Variants in SIPA1L1 observed in about 807,000 individuals in gnomAD.
SIPA1L1 encodes the protein signal-induced proliferation-associated 1-like protein 1.
A neutral mutation model predicts 162.7 loss-of-function variants in SIPA1L1; 26 were observed. That is an observed-to-expected ratio of 0.16 (90% CI 0.12 to 0.22). The LOEUF is 0.22. SIPA1L1 is among the 10% of genes least tolerant of loss of function. SIPA1L1 has a pLI of 1.00. For synonymous variants in SIPA1L1, 829 were observed against 837.4 expected (o/e 0.99, Z 0.17); for missense variants, 1,874 against 2,241.0 (o/e 0.84, Z 3.31).
rs2143001828 is a variant in SIPA1L1, at chr14:71,491,307, T to C, written c.-464-21436T>C. 3.9e-5 allele frequency among the ~76,000 whole-genome samples: 6 copies of C among 152,302 alleles called. No homozygotes were observed. In the Middle Eastern group the frequency reaches 0.017, roughly 432 times the overall value. The stretch of plus-strand genomic sequence containing the variant: ...CTGAAGTTTAAATTACAGTTGTTCC[T>C]TTTGGTGATCATCATTCATTCCTCT... On this transcript the variant is annotated intron_variant, in intron 2 of 23. Transcript: ENST00000381232.
Position 71,577,639 on chromosome 14 carries a change from A to AC in SIPA1L1, c.-302-9932_-302-9931insC, listed in dbSNP as rs568046570. Among the ~76,000 whole-genome samples, 435 of 152,056 alleles carry AC rather than the reference A, an allele frequency of 2.9e-3. 4 individuals carry two copies. In the Middle Eastern group the frequency reaches 0.048, roughly 17 times the overall value. Reference sequence around the variant, plus strand: ...GGTGATCCGCCTGCCTTGGCCTCCCAAAGTGCTGGGATTACAGGTGTGAGC... The same window carrying AC: ...GGTGATCCGCCTGCCTTGGCCTCCCACAAGTGCTGGGATTACAGGTGTGAGC... On this transcript the variant is annotated intron_variant, in intron 4 of 23. Coordinates refer to ENST00000381232, the MANE Select transcript of SIPA1L1 (RefSeq NM_001386936.1).
intron 3 of SIPA1L1, among the ~76,000 whole-genome samples, chr14:71,521,021 T>C (rs1243242893): frequency 2.0e-5 from 3 of 152,248 alleles, no homozygotes; most frequent in African/African-American, 7.2e-5. Context: ...CCCAAAGTGC[T>C]GGGATTACAG....
chr14:71,403,599 CAAAA>C (rs147285643), intron 2 of SIPA1L1, among the ~76,000 whole-genome samples: 1 of 69,294 alleles, frequency 1.4e-5, no homozygotes, highest in Non-Finnish European at 2.8e-5. Flanking sequence ...GACTCTGTCT[CAAAA>C]AAAAAAAAAA....
chr14:71,477,392 C>A (rs965893376), intron 2 of SIPA1L1, among the ~76,000 whole-genome samples: 1 of 151,904 alleles, frequency 6.6e-6, no homozygotes, highest in Non-Finnish European at 1.5e-5. Flanking sequence ...ACAAAAAAAA[C>A]AAAAACGCGG....
intron 2 of SIPA1L1, among the ~76,000 whole-genome samples, chr14:71,473,009 CT>C (rs1467388236): frequency 6.6e-6 from 1 of 151,836 alleles, no homozygotes; most frequent in Non-Finnish European, 1.5e-5. Context: ...CAGCACCTGG[CT>C]TAATTTTCCA....
chr14:71,625,855 A>G (rs1346493765), intron 7 of SIPA1L1, among the ~76,000 whole-genome samples: 1 of 152,138 alleles, frequency 6.6e-6, no homozygotes, highest in Non-Finnish European at 1.5e-5. Context: ...AGTTATTGCC[A>G]TTTTCTTTTG....
chr14:71,627,125 T>C (rs1263055965), intron 7 of SIPA1L1, among the ~76,000 whole-genome samples: 2 of 145,038 alleles, frequency 1.4e-5, no homozygotes, highest in African/African-American at 2.5e-5. Flanking sequence ...TCTGGGACTT[T>C]CACTACTTTT....
chr14:71,330,514 T>A (rs1172586742), intron 2 of SIPA1L1: 4 of 1,589,806 alleles, frequency 2.5e-6, no homozygotes, highest in Non-Finnish European at 3.5e-6. Flanking sequence ...TCTATGTGCA[T>A]CAGAGTCAGG....
rs549473158 is a variant in SIPA1L1 at position 71,433,169 on chromosome 14, A to G, written c.-464-79574A>G. ...TAGAACTCTGAGTTTCTGGAGTTAG[A>G]GAGCACTCTTAATGCTTTGGGAGAA... On this transcript the variant is annotated intron_variant, in intron 2 of 23. Transcript: ENST00000381232. 2.0e-5 allele frequency among the ~76,000 whole-genome samples: 3 copies of G among 152,350 alleles called. No individual in the cohort carries two copies. The South Asian group carries it at 6.2e-4, about 32-fold the overall frequency.
chr14:71,330,738 A>G lies in SIPA1L1; in HGVS notation c.-465+9557A>G, dbSNP rs1594844568. The G allele has an allele frequency of 1.4e-5, 12 of 840,446 alleles. No homozygotes were observed. The East Asian group carries it at 2.9e-4, about 20-fold the overall frequency. 52.1% of individuals were successfully genotyped at this position (840,446 alleles called of 1,614,324 possible). A position where few individuals can be genotyped will look rare whatever the true frequency, so the allele number is the denominator to read the frequency against. ...GCAGGAAAACCACCGGGTAGTCATC[A>G]TAAGGAATCTGGCTGTCTATCTCGG... is the stretch of plus-strand genomic sequence containing the variant. On this transcript the variant is annotated intron_variant, in intron 2 of 23. Transcript: ENST00000381232.
Position 71,739,073 on chromosome 14 carries a change from A to T in SIPA1L1, c.5264A>T (p.Asn1755Ile). Reference sequence around the variant, plus strand: ...GAGGTGCAGCACCTGCGAGAGGACAACCTGAGGCTACAGGAGGAGTCCCAG... The same window carrying T: ...GAGGTGCAGCACCTGCGAGAGGACATCCTGAGGCTACAGGAGGAGTCCCAG... Reference protein sequence around the residue: ...QAEVQHLREDNLRLQEESQNA... With the variant: ...QAEVQHLREDILRLQEESQNA... Residue 1755 changes from asparagine to isoleucine, a missense_variant, in exon 24 of 24, where the codon AAC becomes ATC. Physicochemically the swap from Asn to Ile is moderately radical, Grantham distance 149. This residue lies in a region of SIPA1L1 where 936 missense variants were observed against 1,051.9 expected (regional missense o/e 0.89). Coordinates refer to ENST00000381232, the MANE Select transcript of SIPA1L1 (RefSeq NM_001386936.1). 1 of 1,614,104 alleles carries T rather than the reference A, an allele frequency of 6.2e-7. No homozygotes were observed. Among genetic ancestry groups the T allele is most frequent in the Non-Finnish European group, 8.5e-7 (1 of 1,180,000 alleles).
intron 2 of SIPA1L1, among the ~76,000 whole-genome samples, chr14:71,414,504 A>G (rs1265704828): frequency 6.6e-6 from 1 of 152,262 alleles, no homozygotes; most frequent in Admixed American, 6.5e-5. Context: ...GAAAAGGAAA[A>G]TATGGGAAAT....
At chr14:71,403,260 A>G (rs2041805332) in intron 2 of SIPA1L1, among the ~76,000 whole-genome samples, 1 of 152,102 alleles carries the variant, frequency 6.6e-6, no homozygotes, top group Admixed American at 6.5e-5. Context: ...CAGTGTACCT[A>G]TTAGTTATTT....
chr14:71,738,160 G>GA (rs2085469302), intron 22 of SIPA1L1, 81 bp from the exon 23 acceptor site: 2 of 530,856 alleles, frequency 3.8e-6, no homozygotes, highest in East Asian at 3.6e-5. Context: ...CCTCCTCAGA[G>GA]TAAAAAAAAA....
At chr14:71,493,725 A>G (rs1260121395) in intron 2 of SIPA1L1, among the ~76,000 whole-genome samples, 2 of 152,240 alleles carry the variant, frequency 1.3e-5, no homozygotes, top group Non-Finnish European at 2.9e-5. Context: ...CTGATACTAT[A>G]AAGTCTATAT....
chr14:71,402,800 T>C (rs559705033), intron 2 of SIPA1L1, among the ~76,000 whole-genome samples: 1 of 152,196 alleles, frequency 6.6e-6, no homozygotes, highest in South Asian at 2.1e-4. Context: ...TAAGGGAAAT[T>C]ACTTAATTGG....
intron 22 of SIPA1L1, among the ~76,000 whole-genome samples, chr14:71,735,912 A>G (rs535521878): frequency 6.6e-6 from 1 of 152,374 alleles, no homozygotes; most frequent in East Asian, 1.9e-4. Context: ...AGTCAGGAGC[A>G]GGGACTTTAC....
chr14:71,677,034 T>C (rs2045278645), intron 12 of SIPA1L1, among the ~76,000 whole-genome samples: 1 of 152,218 alleles, frequency 6.6e-6, no homozygotes, highest in Non-Finnish European at 1.5e-5. Context: ...TTCTAGATCC[T>C]TGAGGAACCA....
chr14:71,650,184 T>C (rs1262133426), intron 7 of SIPA1L1, 151 bp from the exon 8 acceptor site: 1 of 792,374 alleles, frequency 1.3e-6, no homozygotes, highest in Admixed American at 2.1e-5. Flanking sequence ...CCACTTAATT[T>C]TGGATCAAAG....
Sources: allele counts gnomAD v4.1 joint callset (sites outside exome capture counted in the v4.1 genomes callset), GRCh38; gene constraint gnomAD v4.1.1; regional missense constraint gnomAD v4.1.1; transcripts MANE v1.5; gene names NCBI Gene and HGNC (gene_info 2026-07-23, HGNC 2026-07-21).